The following LTBP3 variants were observed in gnomAD, a reference collection of about 807,000 sequenced individuals.
LTBP3 encodes latent-transforming growth factor beta-binding protein 3.
A neutral mutation model predicts 159.7 loss-of-function variants in LTBP3; 97 were observed. The observed-to-expected ratio is 0.61, with a 90% CI of 0.52 to 0.72. The LOEUF is 0.72. LTBP3 is among the 30% of genes least tolerant of loss of function. LTBP3 has a pLI of 0.00. For missense variants in LTBP3, 1,584 were observed against 1,864.3 expected (o/e 0.85, Z 2.77); for synonymous variants, 824 against 777.1 (o/e 1.06, Z -1.00).
chr11:65,549,024 A>G (rs944698265), intron 11 of LTBP3: 6 of 152,200 alleles, frequency 3.9e-5, no homozygotes, highest in African/African-American at 1.4e-4. Context: ...GGGGCAGGTT[A>G]CTGAACCTCT....
In LTBP3 at chr11:65,552,511, T is replaced by TC. The variant is rs1856649158; in HGVS notation, c.1187-106dup. 2.8e-6 allele frequency: 4 copies of TC among 1,428,532 alleles called. No homozygotes were observed. In the South Asian group the frequency reaches 3.6e-5, roughly 13 times the overall value. The allele number at this position is 1,428,532 out of a possible 1,614,324, so 88.5% of individuals were successfully genotyped here. ...CCTCTCCGGCCCAGACAACCCTTGA[T>TC]CCCCCATGTGGTCTCTGACCCCATA... On this transcript the variant is annotated intron_variant, in intron 6 of 27. Transcript: ENST00000301873. This position sits in a 1 kb window ranked among gnomAD's most constrained non-coding sequence, Gnocchi z 6.0.
At position 65,546,652 on chromosome 11, in the gene LTBP3, G is replaced by T; in HGVS notation, c.2231-88C>A. 6.3e-7 allele frequency: 1 copy of T among 1,578,196 alleles called. No individual in the cohort carries two copies. Among genetic ancestry groups the T allele is most frequent in the Non-Finnish European group, 8.6e-7 (1 of 1,169,210 alleles). ...GGGGTGTGGGTCTCTTCCCTGGAAC[G>T]CGGGGTTGAGAGGGCAGCCTCTACT... On this transcript the variant is annotated intron_variant, in intron 15 of 27. Transcript: ENST00000301873. The surrounding 1 kb of genome is among the most constrained non-coding windows in gnomAD (Gnocchi z 4.0).
In LTBP3 at chr11:65,547,710, G is replaced by A; in HGVS notation, c.1958C>T (p.Ala653Val). The change falls in exon 13 of 28, where the codon GCC becomes GTC. Residue 653 changes from alanine (A) to valine (V), a missense_variant. Physicochemically the swap from Ala to Val is moderately conservative, Grantham distance 64. Transcript: ENST00000301873. This position sits in a 1 kb window ranked among gnomAD's most constrained non-coding sequence, Gnocchi z 4.6. ...CNRGYRLHVG[A>V]GGRSCVDLNE... is the part of the protein sequence containing the mutation. ...CTCACCCACGCACGAGCGCCCCCCG[G>A]CGCCCACGTGCAGGCGGTAGCCGCG... 1 of 1,605,912 alleles carries A rather than the reference G, an allele frequency of 6.2e-7. No homozygotes were observed. Among genetic ancestry groups the A allele is most frequent in the Non-Finnish European group, 8.5e-7 (1 of 1,177,610 alleles).
At position 65,540,300 on chromosome 11, in the gene LTBP3, C is replaced by T. The variant is rs901685526; in HGVS notation, c.3189G>A (p.Thr1063=). Residue 1063 remains threonine (T), a synonymous_variant, in exon 23 of 28, where the codon ACG becomes ACA. Transcript: ENST00000301873. The part of the protein sequence containing the change: ...NTRGGYRCAC[T]PPAEYSPAQR... ...GCGCGGGACTGTACTCGGCAGGGGG[C>T]GTGCAGGCACAGCGGTAGCCGCCGC... 1.9e-6 allele frequency: 3 copies of T among 1,563,594 alleles called. No individual in the cohort carries two copies. Among genetic ancestry groups the T allele is most frequent in the Admixed American group, 3.9e-5 (2 of 51,436 alleles).
intron 1 of LTBP3, among the ~76,000 whole-genome samples, chr11:65,555,723 G>A (rs1368103149): frequency 6.6e-6 from 1 of 152,168 alleles, no homozygotes; most frequent in Non-Finnish European, 1.5e-5. Context: ...CCTTCAACCT[G>A]TGCTACTACC....
In LTBP3 at chr11:65,541,263, C is replaced by T; in HGVS notation, c.2756G>A (p.Cys919Tyr). 6.2e-7 allele frequency: 1 copy of T among 1,613,118 alleles called. No homozygotes were observed. The highest frequency in any genetic ancestry group is 8.5e-7 in the Non-Finnish European group (1 of 1,179,990). The change falls in exon 20 of 28, where the codon TGC (cysteine) becomes TAC (tyrosine). Residue 919 changes from cysteine to tyrosine, a missense_variant. Transcript: ENST00000301873. ...EVEQPHHKKE[C>Y]YLNFDDTVFC... ...CACTGTGTCATCGAAGTTCAGGTAG[C>T]ACTCCTTCTTGTGGTGGGGCTGCTC... is the stretch of plus-strand genomic sequence containing the variant.
At chr11:65,548,747 AACTCT>A (rs1474101321) in intron 11 of LTBP3, 1 of 155,396 alleles carries the variant, frequency 6.4e-6, no homozygotes, top group Non-Finnish European at 1.4e-5. Context: ...CATAACAGTG[AACTCT>A]GCTCTGCCCC....
rs1337787486 is a variant in LTBP3 at position 65,539,107 on chromosome 11, C to T, written c.3885G>A (p.Gly1295=). The T allele has an allele frequency of 6.8e-7, 1 of 1,462,748 alleles. No individual in the cohort carries two copies. The highest frequency in any genetic ancestry group is 9.1e-7 in the Non-Finnish European group (1 of 1,104,822). 90.6% of individuals were successfully genotyped at this position (1,462,748 alleles called of 1,614,324 possible). Reference sequence around the variant, plus strand: ...AGCGGCGGCGCTGGGGAACGCAGGCCCCGTGCGGGCGGCTGCGCGCGAAGC... The same window carrying T: ...AGCGGCGGCGCTGGGGAACGCAGGCTCCGTGCGGGCGGCTGCGCGCGAAGC... ...KAGFARSRPH[G]ACVPQRRR The change falls in exon 28 of 28, where the codon GGG becomes GGA. Residue 1295 remains glycine (G), a synonymous_variant. Coordinates refer to ENST00000301873, the MANE Select transcript of LTBP3 (RefSeq NM_001130144.3).
At chr11:65,550,838 C>CA (rs1284823057) in intron 11 of LTBP3, among the ~76,000 whole-genome samples, 2 of 151,728 alleles carry the variant, frequency 1.3e-5, no homozygotes, top group East Asian at 1.9e-4. Flanking sequence ...AAACAAAAAA[C>CA]AAAAAACAAA....
In LTBP3 at chr11:65,557,865, A is replaced by C; in HGVS notation, c.95T>G (p.Leu32Arg). The change falls in exon 1 of 28, where the codon CTG becomes CGG. Residue 32 changes from leucine to arginine, a missense_variant. Leu to Arg is a moderately radical substitution (Grantham distance 102). Coordinates refer to ENST00000301873, the MANE Select transcript of LTBP3 (RefSeq NM_001130144.3). ...CCTGCCGCCCAGGCCCAGCAGCAGCAGCAGCAGCAGCAGCAGCAGCGCCAG... is the reference window on the plus strand; with the variant it reads ...CCTGCCGCCCAGGCCCAGCAGCAGCCGCAGCAGCAGCAGCAGCAGCGCCAG... Reference protein sequence around the residue: ...GLLALLLLLLLLLLGLGGRVE... With the variant: ...GLLALLLLLLRLLLGLGGRVE... 7.6e-7 allele frequency: 1 copy of C among 1,317,046 alleles called. No individual in the cohort carries two copies. Among genetic ancestry groups the C allele is most frequent in the Non-Finnish European group, 9.7e-7 (1 of 1,026,234 alleles). The allele number at this position is 1,317,046 out of a possible 1,614,324, so 81.6% of individuals were successfully genotyped here.
At position 65,547,244 on chromosome 11, in the gene LTBP3, T is replaced by C. The variant is rs1326218994; in HGVS notation, c.2107+195A>G. 6.6e-6 allele frequency among the ~76,000 whole-genome samples: 1 copy of C among 151,792 alleles called. No individual in the cohort carries two copies. The highest frequency in any genetic ancestry group is 1.5e-5 in the Non-Finnish European group (1 of 67,958). ...CCGTAATCCCAGCTACTCGGGAGGC[T>C]GAGGCAGGAGAATCGCTTGAACCCG... On this transcript the variant is annotated intron_variant, in intron 14 of 27. Coordinates refer to ENST00000301873, the MANE Select transcript of LTBP3 (RefSeq NM_001130144.3). This position sits in a 1 kb window ranked among gnomAD's most constrained non-coding sequence, Gnocchi z 4.6.
rs958909110 is a variant in LTBP3, at chr11:65,547,040, C to T, written c.2108-120G>A. 7.7e-6 allele frequency: 11 copies of T among 1,427,520 alleles called. No homozygotes were observed. The African/African-American group carries it at 9.8e-5, about 13-fold the overall frequency. The allele number at this position is 1,427,520 out of a possible 1,614,324, so 88.4% of individuals were successfully genotyped here. A position where few individuals can be genotyped will look rare whatever the true frequency, so the allele number is the denominator to read the frequency against. ...CAACGAGGCTCCCGGACCCCAACCT[C>T]TGAGAGGCCCAGAGCCGAGCATACA... On this transcript the variant is annotated intron_variant, in intron 14 of 27. Coordinates refer to ENST00000301873, the MANE Select transcript of LTBP3 (RefSeq NM_001130144.3). The surrounding 1 kb of genome is among the most constrained non-coding windows in gnomAD (Gnocchi z 4.6).
intron 11 of LTBP3, among the ~76,000 whole-genome samples, chr11:65,549,398 C>T (rs56129436): frequency 6.6e-6 from 1 of 151,876 alleles, no homozygotes; most frequent in African/African-American, 2.4e-5. Flanking sequence ...TTCCTCATGT[C>T]TCTGGCATTT....
In LTBP3 at chr11:65,540,951, T is replaced by C. The variant is rs766168344; in HGVS notation, c.2897A>G (p.Glu966Gly). The C allele has an allele frequency of 1.9e-6, 3 of 1,613,202 alleles. No individual in the cohort carries two copies. The highest frequency in any genetic ancestry group is 2.5e-6 in the Non-Finnish European group (3 of 1,179,696). The change falls in exon 21 of 28, where the codon GAG becomes GGG. Residue 966 changes from glutamate (E) to glycine (G), a missense_variant. Transcript: ENST00000301873. ...TCCGTCTGGGCAGAGGCTGTGGAAC[T>C]CGGCTGCAGGGGCAGGGCGGCCGTG... ...IYPCPVYSSA[E>G]FHSLCPDGKG... is the part of the protein sequence containing the mutation.
rs748280187 is a variant in LTBP3, at chr11:65,554,067, T to C, written c.645A>G (p.Gly215=). 6.2e-7 allele frequency: 1 copy of C among 1,603,988 alleles called. No individual in the cohort carries two copies. Among genetic ancestry groups the C allele is most frequent in the Non-Finnish European group, 8.5e-7 (1 of 1,179,316 alleles). Residue 215 remains glycine, a synonymous_variant, in exon 2 of 28, where the codon GGA becomes GGG. Transcript: ENST00000301873. This position sits in a 1 kb window ranked among gnomAD's most constrained non-coding sequence, Gnocchi z 5.3. ...HAAFLVPLGP[G]QISAEVQAPP... ...GCCTGGTACCTTCTGCTGAGATCTG[T>C]CCCGGGCCTAGGGGCACCAGGAAGG...
intron 11 of LTBP3, 29 bp downstream of exon 11, chr11:65,551,097 C>G: frequency 1.3e-6 from 2 of 1,538,140 alleles, no homozygotes; most frequent in Non-Finnish European, 1.8e-6. Flanking sequence ...GTGGCCTAGG[C>G]AGGGGTGGCT....
rs937607823 is a variant in LTBP3 at position 65,540,589 on chromosome 11, C to T, written c.3003G>A (p.Gly1001=). ...HRDIDECMLF[G]SEICKEGKCV... ...ACTTGCCCTCCTTGCAAATCTCCGA[C>T]CCGAACAACATGCACTCGTCGATGT... is the stretch of plus-strand genomic sequence containing the variant. The change falls in exon 22 of 28, where the codon GGG becomes GGA. Residue 1001 remains glycine, a synonymous_variant. Transcript: ENST00000301873. 1.2e-6 allele frequency: 2 copies of T among 1,613,550 alleles called. No individual in the cohort carries two copies. Among genetic ancestry groups the T allele is most frequent in the Non-Finnish European group, 1.7e-6 (2 of 1,179,796 alleles).
chr11:65,538,733 T>A lies in LTBP3; in HGVS notation c.*347A>T, dbSNP rs1046279853. The A allele has an allele frequency of 7.7e-6, 8 of 1,045,104 alleles. No individual in the cohort carries two copies. The African/African-American group carries it at 1.1e-4, about 15-fold the overall frequency. 64.7% of individuals were successfully genotyped at this position (1,045,104 alleles called of 1,614,324 possible). On this transcript the variant is annotated 3_prime_UTR_variant, in exon 28 of 28. Coordinates refer to ENST00000301873, the MANE Select transcript of LTBP3 (RefSeq NM_001130144.3). ...CTTGTGCCGGGCTCAGTCTAGCCCCTGGGAGGCGGCTGGGGTCTGGCGCCG... is the reference window on the plus strand; with the variant it reads ...CTTGTGCCGGGCTCAGTCTAGCCCCAGGGAGGCGGCTGGGGTCTGGCGCCG...
chr11:65,540,385 G>A lies in LTBP3; in HGVS notation c.3107-3C>T, dbSNP rs112177322. The stretch of plus-strand genomic sequence containing the variant: ...CTCGTCCAGGCACTCGTCCACGTCT[G>A]CAGGGAGGAAAAGCGTGGGTAGCAG... On this transcript the variant is annotated splice_polypyrimidine_tract_variant and splice_region_variant and intron_variant, in intron 22 of 27. Coordinates refer to ENST00000301873, the MANE Select transcript of LTBP3 (RefSeq NM_001130144.3). 4 of 1,601,560 alleles carry A rather than the reference G, an allele frequency of 2.5e-6. No individual in the cohort carries two copies. The highest frequency in any genetic ancestry group is 1.3e-5 in the African/African-American group (1 of 74,878).
Sources: allele counts gnomAD v4.1 joint callset (sites outside exome capture counted in the v4.1 genomes callset), GRCh38; gene constraint gnomAD v4.1.1; non-coding constraint Gnocchi (gnomAD v3.1); transcripts MANE v1.5; gene names NCBI Gene and HGNC (gene_info 2026-07-23, HGNC 2026-07-21).